HSPA12B: variants seen among roughly 807,000 people sequenced by gnomAD.
The protein encoded by HSPA12B is heat shock protein family A (Hsp70) member 12B.
HSPA12B carries 54 observed loss-of-function variants against 69.3 expected under a neutral mutation model. The ratio of observed to expected loss-of-function variants is 0.78; its 90% CI spans 0.63 to 0.98. The LOEUF (loss-of-function observed/expected upper bound fraction) is 0.98, where lower values mean the gene tolerates loss of function less well. HSPA12B is among the 50% of genes least tolerant of loss of function. HSPA12B has a pLI of 0.00. For missense variants in HSPA12B, 929 were observed against 999.8 expected, an observed-to-expected ratio of 0.93 and a Z score of 0.96; for synonymous variants, 441 against 436.5, an observed-to-expected ratio of 1.01 and a Z score of -0.13.
chr20:3,749,523 C>T lies in HSPA12B; in HGVS notation c.937+205C>T, dbSNP rs548593808. Among the ~76,000 whole-genome samples, 3 of 152,294 alleles carry T rather than the reference C, an allele frequency of 2.0e-5. No individual in the cohort carries two copies. The highest frequency in any genetic ancestry group is 2.1e-4 in the South Asian group (1 of 4,822). Reference sequence around the variant, plus strand: ...ACTCCTCCAGGGGATTCTCCGCGGACGCTCGGGTGGAGTTGCAGAGCCTCT... The same window carrying T: ...ACTCCTCCAGGGGATTCTCCGCGGATGCTCGGGTGGAGTTGCAGAGCCTCT... On this transcript the variant is annotated intron_variant, in intron 9 of 12. Coordinates refer to ENST00000254963, the MANE Select transcript of HSPA12B (RefSeq NM_052970.5). The surrounding 1 kb of genome is among the most constrained non-coding windows in gnomAD (Gnocchi z 5.5).
intron 12 of HSPA12B, chr20:3,751,265 A>G (rs1313819191): frequency 1.0e-6 from 1 of 985,362 alleles, no homozygotes; most frequent in East Asian, 1.1e-4. Flanking sequence ...GCATATCCTT[A>G]TCTCTCGTCC....
intron 1 of HSPA12B, among the ~76,000 whole-genome samples, chr20:3,735,465 T>C (rs2088094867): frequency 8.2e-6 from 1 of 121,744 alleles, no homozygotes; most frequent in South Asian, 2.2e-4. Context: ...GACTCAGTCT[T>C]TTTTTTTTTT....
At chr20:3,751,283 C>T in intron 12 of HSPA12B, 1 of 985,466 alleles carries the variant, frequency 1.0e-6, no homozygotes, top group Non-Finnish European at 1.2e-6. Flanking sequence ...TCCTCCACGT[C>T]GTGGTGGGAG....
In HSPA12B at chr20:3,745,853, G is replaced by T; in HGVS notation, c.559-62G>T. ...TTTGATTAGTACCTCCAGTTCCGCA[G>T]AGGGCTGAAGACCACCCTCCCTCCA... On this transcript the variant is annotated intron_variant, in intron 6 of 12. Transcript: ENST00000254963. The surrounding 1 kb of genome is among the most constrained non-coding windows in gnomAD (Gnocchi z 5.6). 7.1e-7 allele frequency: 1 copy of T among 1,407,900 alleles called. No homozygotes were observed. The highest frequency in any genetic ancestry group is 1.0e-6 in the Non-Finnish European group (1 of 992,284). The allele number at this position is 1,407,900 out of a possible 1,614,324, so 87.2% of individuals were successfully genotyped here.
intron 4 of HSPA12B, 51 bp downstream of exon 4, chr20:3,742,459 C>T: frequency 6.9e-7 from 1 of 1,448,488 alleles, no homozygotes; most frequent in Non-Finnish European, 9.6e-7. Flanking sequence ...GGGAGTTCCT[C>T]ATACCTTGGT....
At chr20:3,751,013 G>A in intron 12 of HSPA12B, 106 bp downstream of exon 12, 1 of 990,832 alleles carries the variant, frequency 1.0e-6, no homozygotes, top group African/African-American at 1.6e-5. Flanking sequence ...CATACACTGT[G>A]ATGAGACCTA....
intron 7 of HSPA12B, among the ~76,000 whole-genome samples, chr20:3,746,590 C>T (rs567491932): frequency 1.3e-5 from 2 of 151,810 alleles, no homozygotes; most frequent in African/African-American, 4.8e-5. Context: ...GCGTGAGCCA[C>T]CGCGCCCGGC....
chr20:3,749,200 A>T lies in HSPA12B; in HGVS notation c.851-32A>T. The T allele has an allele frequency of 6.3e-7, 1 of 1,595,916 alleles. No homozygotes were observed. Among genetic ancestry groups the T allele is most frequent in the Non-Finnish European group, 8.6e-7 (1 of 1,167,896 alleles). ...CGCCATAGCTGGAGCACCTCCTTCT[A>T]ATCTCACTCCCTGCTGTCTCCTGAC... On this transcript the variant is annotated intron_variant, in intron 8 of 12. Transcript: ENST00000254963. This position sits in a 1 kb window ranked among gnomAD's most constrained non-coding sequence, Gnocchi z 5.5.
chr20:3,733,465 T>C (rs765546115), intron 1 of HSPA12B, among the ~76,000 whole-genome samples: 1 of 151,920 alleles, frequency 6.6e-6, no homozygotes, highest in East Asian at 1.9e-4. Flanking sequence ...GGGCAGAGCA[T>C]GGGAGGGGCT....
At chr20:3,750,330 C>G in intron 11 of HSPA12B, 103 bp downstream of exon 11, 1 of 1,229,330 alleles carries the variant, frequency 8.1e-7, no homozygotes, top group Non-Finnish European at 1.1e-6. Context: ...CTGCCTGATT[C>G]ATCCCACATA....
chr20:3,739,144 C>T (rs529427452), intron 2 of HSPA12B, among the ~76,000 whole-genome samples: 3 of 152,098 alleles, frequency 2.0e-5, no homozygotes, highest in African/African-American at 7.2e-5. Context: ...TCTCTGTGCA[C>T]GGGATCTGTG....
Position 3,749,223 on chromosome 20 carries a change from G to A in HSPA12B, c.851-9G>A, listed in dbSNP as rs745324658. The A allele has an allele frequency of 1.2e-6, 2 of 1,611,014 alleles. No homozygotes were observed. Among genetic ancestry groups the A allele is most frequent in the Non-Finnish European group, 1.7e-6 (2 of 1,178,722 alleles). On this transcript the variant is annotated splice_polypyrimidine_tract_variant and intron_variant, in intron 8 of 12. Coordinates refer to ENST00000254963, the MANE Select transcript of HSPA12B (RefSeq NM_052970.5). The surrounding 1 kb of genome is among the most constrained non-coding windows in gnomAD (Gnocchi z 5.5). The stretch of plus-strand genomic sequence containing the variant: ...CTAATCTCACTCCCTGCTGTCTCCT[G>A]ACCCCCAGCTCGGGAGCAGCTGCGA...
chr20:3,749,675 G>T lies in HSPA12B; in HGVS notation c.938-75G>T. The stretch of plus-strand genomic sequence containing the variant: ...GGGACCCGGGGCAGGGCTGGAGGCT[G>T]GGCGAGGCTGGAGGGGGCGCAGGGC... On this transcript the variant is annotated intron_variant, in intron 9 of 12. Transcript: ENST00000254963. The surrounding 1 kb of genome is among the most constrained non-coding windows in gnomAD (Gnocchi z 5.5). The T allele has an allele frequency of 1.8e-6, 2 of 1,120,984 alleles. 1 individual carries two copies. The highest frequency in any genetic ancestry group is 2.8e-5 in the South Asian group (2 of 70,642). The allele number at this position is 1,120,984 out of a possible 1,614,324, so 69.4% of individuals were successfully genotyped here. A position where few individuals can be genotyped will look rare whatever the true frequency, so the allele number is the denominator to read the frequency against.
At chr20:3,750,770 A>C (rs537385443) in intron 11 of HSPA12B, 34 bp from the exon 12 acceptor site, 5 of 1,613,344 alleles carry the variant, frequency 3.1e-6, no homozygotes, top group Admixed American at 1.7e-5. Context: ...CTGGGCCCTG[A>C]CCGATGGATA....
chr20:3,750,698 C>T (rs974824471), intron 11 of HSPA12B, 106 bp from the exon 12 acceptor site: 3 of 1,590,098 alleles, frequency 1.9e-6, no homozygotes, highest in East Asian at 2.2e-5. Context: ...GGTGCCCAGG[C>T]ACTTCTGCCT....
At chr20:3,734,879 C>G (rs1012807795) in intron 1 of HSPA12B, among the ~76,000 whole-genome samples, 2 of 151,746 alleles carry the variant, frequency 1.3e-5, no homozygotes, top group African/African-American at 4.8e-5. Flanking sequence ...GGCTGGGACT[C>G]TAGGCATGCA....
Position 3,749,716 on chromosome 20 carries a change from G to A in HSPA12B, c.938-34G>A. On this transcript the variant is annotated intron_variant, in intron 9 of 12. Transcript: ENST00000254963. The surrounding 1 kb of genome is among the most constrained non-coding windows in gnomAD (Gnocchi z 5.5). ...GGCGCAGGGCTGAGGGTGCGAGGCCGCCCACGAGTGTGTGCCCGCGCTCGC... is the reference window on the plus strand; with the variant it reads ...GGCGCAGGGCTGAGGGTGCGAGGCCACCCACGAGTGTGTGCCCGCGCTCGC... 8.8e-6 allele frequency: 13 copies of A among 1,472,782 alleles called. No individual in the cohort carries two copies. The highest frequency in any genetic ancestry group is 1.2e-5 in the Non-Finnish European group (13 of 1,087,900). The allele number at this position is 1,472,782 out of a possible 1,614,324, so 91.2% of individuals were successfully genotyped here. A position where few individuals can be genotyped will look rare whatever the true frequency, so the allele number is the denominator to read the frequency against.
In HSPA12B at chr20:3,745,853, G is replaced by A; in HGVS notation, c.559-62G>A. 1.4e-6 allele frequency: 2 copies of A among 1,407,902 alleles called. No homozygotes were observed. Among genetic ancestry groups the A allele is most frequent in the Non-Finnish European group, 2.0e-6 (2 of 992,284 alleles). 87.2% of individuals were successfully genotyped at this position (1,407,902 alleles called of 1,614,324 possible). On this transcript the variant is annotated intron_variant, in intron 6 of 12. Coordinates refer to ENST00000254963, the MANE Select transcript of HSPA12B (RefSeq NM_052970.5). The surrounding 1 kb of genome is among the most constrained non-coding windows in gnomAD (Gnocchi z 5.6). ...TTTGATTAGTACCTCCAGTTCCGCA[G>A]AGGGCTGAAGACCACCCTCCCTCCA...
At chr20:3,742,097 C>T (rs775054759) in intron 3 of HSPA12B, among the ~76,000 whole-genome samples, 187 bp from the exon 4 acceptor site, 52 of 151,948 alleles carry the variant, frequency 3.4e-4, no homozygotes, top group Admixed American at 6.6e-4. Flanking sequence ...GTCCAAGGCT[C>T]AGCCTGGAGC....
Sources: gnomAD v4.1 joint callset for allele counts (sites outside exome capture counted in the v4.1 genomes callset) on GRCh38, gnomAD v4.1.1 for gene constraint, Gnocchi (gnomAD v3.1) non-coding constraint, MANE v1.5 for transcripts, NCBI Gene and HGNC (gene_info 2026-07-23, HGNC 2026-07-21) for gene names.